Variants in NRXN3 observed in about 807,000 individuals in gnomAD.
The protein encoded by NRXN3 is neurexin 3.
A neutral mutation model predicts 137.6 loss-of-function variants in NRXN3; 32 were observed. That is an observed-to-expected ratio of 0.23 (90% CI 0.18 to 0.31). The LOEUF is 0.31. Among genes scored for constraint, NRXN3 ranks in the 10% least tolerant of loss-of-function variants. The probability of loss-of-function intolerance (pLI) is 1.00; values close to 1 mark genes in which losing one functional copy is unlikely to be tolerated. For synonymous variants in NRXN3, 798 were observed against 784.5 expected (o/e 1.02, Z -0.29); for missense variants, 1,574 against 2,062.5 (o/e 0.76, Z 4.59).
intron 4 of NRXN3, among the ~76,000 whole-genome samples, chr14:78,475,355 G>A (rs948565109): frequency 6.6e-6 from 1 of 152,164 alleles, no homozygotes; most frequent in Non-Finnish European, 1.5e-5. Flanking sequence ...AACACATAGG[G>A]GCAAGTTCAT....
At chr14:78,856,720 T>G (rs75075567) in intron 10 of NRXN3, among the ~76,000 whole-genome samples, 3,575 of 152,266 alleles carry the variant, frequency 0.023, 60 homozygotes, top group Middle Eastern at 0.041. Flanking sequence ...ATGCTCAACT[T>G]TCATGCTGTT....
intron 4 of NRXN3, among the ~76,000 whole-genome samples, chr14:78,375,620 A>G (rs974234260): frequency 2.0e-5 from 3 of 152,226 alleles, no homozygotes; most frequent in South Asian, 4.1e-4. Context: ...ACAAGTATAT[A>G]TATGTATTTT....
At chr14:78,249,943 T>C (rs1387825438) in intron 2 of NRXN3, among the ~76,000 whole-genome samples, 2 of 152,212 alleles carry the variant, frequency 1.3e-5, no homozygotes, top group East Asian at 1.9e-4. Flanking sequence ...GAGAAGGTTT[T>C]TGAAGCTTCA....
At chr14:79,481,908 G>A (rs759516083) in intron 16 of NRXN3, among the ~76,000 whole-genome samples, 1 of 152,104 alleles carries the variant, frequency 6.6e-6, no homozygotes, top group Non-Finnish European at 1.5e-5. Flanking sequence ...GGGGCCACAG[G>A]ACTGGTTGAG....
chr14:78,758,964 G>GC, intron 8 of NRXN3, among the ~76,000 whole-genome samples: 1 of 152,190 alleles, frequency 6.6e-6, no homozygotes, highest in African/African-American at 2.4e-5. Context: ...TACCAGAAAA[G>GC]CAGCAATGCT....
intron 6 of NRXN3, among the ~76,000 whole-genome samples, chr14:78,679,309 G>C (rs2098046979): frequency 6.6e-6 from 1 of 152,116 alleles, no homozygotes; most frequent in Non-Finnish European, 1.5e-5. Context: ...CTGTGTTTTA[G>C]TCTTTGTGGA....
At chr14:78,438,223 A>C (rs1388655602) in intron 4 of NRXN3, among the ~76,000 whole-genome samples, 9 of 152,240 alleles carry the variant, frequency 5.9e-5, no homozygotes, top group Non-Finnish European at 1.2e-4. Flanking sequence ...CAAGATGGAC[A>C]AGGAATTTTG....
chr14:78,909,809 T>C (rs1411726605), intron 10 of NRXN3, among the ~76,000 whole-genome samples: 1 of 152,140 alleles, frequency 6.6e-6, no homozygotes, highest in East Asian at 1.9e-4. Context: ...TTTTAATTTT[T>C]ATCTACTTGC....
chr14:78,582,021 C>T (rs971031202), intron 4 of NRXN3, among the ~76,000 whole-genome samples: 1 of 152,200 alleles, frequency 6.6e-6, no homozygotes, highest in African/African-American at 2.4e-5. Context: ...TTAATTTTCG[C>T]ATCATCCTGC....
chr14:79,764,856 A>T (rs2099050948), intron 19 of NRXN3, among the ~76,000 whole-genome samples: 1 of 152,214 alleles, frequency 6.6e-6, no homozygotes, highest in South Asian at 2.1e-4. Flanking sequence ...ACCCTAGTGC[A>T]TCTGCTAATT....
chr14:79,336,182 A>G (rs1159899540), intron 15 of NRXN3, among the ~76,000 whole-genome samples: 2 of 152,168 alleles, frequency 1.3e-5, no homozygotes, highest in Non-Finnish European at 2.9e-5. Context: ...GGACTAATTA[A>G]TAGCTATTTT....
intron 4 of NRXN3, among the ~76,000 whole-genome samples, chr14:78,536,941 C>CT (rs1286166456): frequency 6.6e-6 from 1 of 152,090 alleles, no homozygotes; most frequent in Non-Finnish European, 1.5e-5. Flanking sequence ...TGAACTCATC[C>CT]TTTTTTATGG....
chr14:79,368,453 C>T (rs866709038), intron 15 of NRXN3, among the ~76,000 whole-genome samples: 1 of 152,132 alleles, frequency 6.6e-6, no homozygotes, highest in Non-Finnish European at 1.5e-5. Flanking sequence ...GAAAACTTGT[C>T]TTCCTAATTT....
At chr14:78,475,425 G>A (rs900659378) in intron 4 of NRXN3, among the ~76,000 whole-genome samples, 7 of 152,164 alleles carry the variant, frequency 4.6e-5, no homozygotes, top group Non-Finnish European at 8.8e-5. Context: ...AGAGCATGTT[G>A]CATGTTGTGC....
At chr14:78,351,873 C>G (rs192595524) in intron 4 of NRXN3, among the ~76,000 whole-genome samples, 10 of 142,762 alleles carry the variant, frequency 7.0e-5, no homozygotes, top group African/African-American at 1.8e-4. Flanking sequence ...ATTTTTTATG[C>G]CTTATTAAAA....
At chr14:78,920,299 A>G (rs2099267508) in intron 10 of NRXN3, among the ~76,000 whole-genome samples, 1 of 152,228 alleles carries the variant, frequency 6.6e-6, no homozygotes, top group Admixed American at 6.5e-5. Flanking sequence ...AGTCACCTTG[A>G]TCGAAGCAAG....
intron 15 of NRXN3, among the ~76,000 whole-genome samples, chr14:79,449,704 A>G (rs960050073): frequency 4.6e-5 from 7 of 152,184 alleles, no homozygotes; most frequent in Admixed American, 1.3e-4. Context: ...TAAGATATAG[A>G]ATCGGCCAGG....
chr14:79,172,256 T>C (rs1367531071), intron 15 of NRXN3, among the ~76,000 whole-genome samples: 1 of 151,970 alleles, frequency 6.6e-6, no homozygotes, highest in African/African-American at 2.4e-5. Context: ...ATAATACTTA[T>C]TAGTCCCCCA....
intron 15 of NRXN3, among the ~76,000 whole-genome samples, chr14:79,452,223 T>C (rs1313889751): frequency 6.6e-6 from 1 of 152,142 alleles, no homozygotes; most frequent in African/African-American, 2.4e-5. Context: ...CCCAATCTAA[T>C]GGAGAGAAGT....
Sources: gnomAD v4.1 joint callset for allele counts (sites outside exome capture counted in the v4.1 genomes callset) on GRCh38, gnomAD v4.1.1 for gene constraint, MANE v1.5 for transcripts, NCBI Gene and HGNC (gene_info 2026-07-23, HGNC 2026-07-21) for gene names.